Variants in GARIN2 observed in about 807,000 individuals in gnomAD.
GARIN2 encodes the protein Golgi-associated RAB2 interactor protein 2.
the GARIN2 span, among the ~76,000 whole-genome samples, chr14:67,195,713 T>TTGTGTGTG: frequency 2.6e-3 from 379 of 143,330 alleles, no homozygotes; most frequent in African/African-American, 8.0e-3. Context: ...TTCTTTTTGG[T>TTGTGTGTG]TGTGTGTGTG....
the GARIN2 span, among the ~76,000 whole-genome samples, chr14:67,218,946 A>G: frequency 6.6e-6 from 1 of 151,968 alleles, no homozygotes; most frequent in Admixed American, 6.6e-5. Context: ...GGTTCTGCAC[A>G]GGTGGTGTTG....
the GARIN2 span, chr14:67,204,824 C>A: frequency 6.2e-7 from 1 of 1,613,956 alleles, no homozygotes; most frequent in Non-Finnish European, 8.5e-7. Flanking sequence ...GCCATCCTGA[C>A]CCCGTACATG....
At chr14:67,193,491 A>C in the GARIN2 span, among the ~76,000 whole-genome samples, 7 of 135,394 alleles carry the variant, frequency 5.2e-5, no homozygotes, top group Non-Finnish European at 1.1e-4. Context: ...ACAGATAGCT[A>C]TATATCTAGA....
chr14:67,210,915 A>G, the GARIN2 span, among the ~76,000 whole-genome samples: 12 of 152,212 alleles, frequency 7.9e-5, no homozygotes, highest in South Asian at 2.1e-3. Flanking sequence ...AAGGTGGATC[A>G]CCTGAACCTG....
At chr14:67,201,112 G>C in the GARIN2 span, among the ~76,000 whole-genome samples, 2 of 152,170 alleles carry the variant, frequency 1.3e-5, no homozygotes, top group African/African-American at 4.8e-5. Flanking sequence ...TGGGCAACAA[G>C]TGAGATCCCA....
the GARIN2 span, among the ~76,000 whole-genome samples, chr14:67,218,354 G>T: frequency 1.5e-4 from 23 of 152,188 alleles, no homozygotes; most frequent in Admixed American, 4.6e-4. Context: ...TGATCTGGGG[G>T]CATGTTTACT....
chr14:67,197,452 C>T, the GARIN2 span: 1 of 152,050 alleles, frequency 6.6e-6, no homozygotes, highest in South Asian at 2.1e-4. Context: ...CCTCTTCCTT[C>T]TTCTACTTAC....
the GARIN2 span, among the ~76,000 whole-genome samples, chr14:67,192,981 G>A: frequency 2.6e-4 from 38 of 143,500 alleles, no homozygotes; most frequent in African/African-American, 9.4e-4. Flanking sequence ...TCTAGATATA[G>A]ATCTCTCTAT....
At chr14:67,206,366 G>A in the GARIN2 span, among the ~76,000 whole-genome samples, 1 of 151,226 alleles carries the variant, frequency 6.6e-6, no homozygotes, top group African/African-American at 2.4e-5. Flanking sequence ...TGTGGTAGTG[G>A]GTGCCTGTAA....
At chr14:67,221,844 C>T in the GARIN2 span, 32 of 1,607,954 alleles carry the variant, frequency 2.0e-5, no homozygotes, top group Non-Finnish European at 2.7e-5. Context: ...TTATTGTGAT[C>T]CCTGGTATTC....
chr14:67,225,031 CT>C, the GARIN2 span: 3 of 1,235,630 alleles, frequency 2.4e-6, no homozygotes, highest in Non-Finnish European at 3.3e-6. Context: ...CTTTTTTTTC[CT>C]CCTGCTTTTG....
At chr14:67,200,191 C>G in the GARIN2 span, 1 of 1,140,306 alleles carries the variant, frequency 8.8e-7, no homozygotes, top group Admixed American at 2.8e-5. Flanking sequence ...TGGACTTCCT[C>G]CACTGATGCC....
chr14:67,223,976 A>G, the GARIN2 span: 1 of 984,960 alleles, frequency 1.0e-6, no homozygotes, highest in Non-Finnish European at 1.2e-6. Flanking sequence ...ATAGGCGGAA[A>G]TCAGAATAAT....
the GARIN2 span, among the ~76,000 whole-genome samples, chr14:67,226,224 C>T: frequency 1.3e-5 from 2 of 152,178 alleles, no homozygotes; most frequent in Non-Finnish European, 1.5e-5. Context: ...CTGAATCTTG[C>T]TCTGTCGCCC....
chr14:67,204,456 AATATATAT>A, the GARIN2 span: 1 of 1,361,282 alleles, frequency 7.3e-7, no homozygotes, highest in South Asian at 1.9e-5. Context: ...CAAACAAACA[AATATATAT>A]ATATATAAGA....
chr14:67,199,149 T>G, the GARIN2 span: 1 of 1,552,622 alleles, frequency 6.4e-7, no homozygotes, highest in East Asian at 2.2e-5. Context: ...ACCGCTACTG[T>G]GGGAACTGTT....
chr14:67,210,936 G>T, the GARIN2 span, among the ~76,000 whole-genome samples: 1 of 152,114 alleles, frequency 6.6e-6, no homozygotes, highest in Non-Finnish European at 1.5e-5. Flanking sequence ...GGAGGTGGAG[G>T]TTGCAGTGAG....
chr14:67,219,989 A>C, the GARIN2 span, among the ~76,000 whole-genome samples: 200 of 152,362 alleles, frequency 1.3e-3, no homozygotes, highest in African/African-American at 4.6e-3. Flanking sequence ...TAATATTCTA[A>C]GAACAGAATG....
chr14:67,192,844 A>G, the GARIN2 span, among the ~76,000 whole-genome samples: 6 of 146,236 alleles, frequency 4.1e-5, no homozygotes, highest in Non-Finnish European at 8.9e-5. Context: ...ATATATATCT[A>G]TATATAGATA....
Sources: allele counts gnomAD v4.1 joint callset (sites outside exome capture counted in the v4.1 genomes callset), GRCh38; gene constraint gnomAD v4.1.1; transcripts MANE v1.5; gene names NCBI Gene and HGNC (gene_info 2026-07-23, HGNC 2026-07-21).